The following STXBP5L variants were observed in gnomAD, a reference collection of about 807,000 sequenced individuals.
STXBP5L encodes syntaxin binding protein 5L.
A neutral mutation model predicts 144.5 loss-of-function variants in STXBP5L; 65 were observed. That is an observed-to-expected ratio of 0.45 (90% CI 0.37 to 0.55). The LOEUF is 0.55. Among genes scored for constraint, STXBP5L ranks in the 20% least tolerant of loss-of-function variants. The pLI, the probability that STXBP5L is intolerant of heterozygous loss-of-function variation, is 0.00. For synonymous variants in STXBP5L, 505 were observed against 469.6 expected (o/e 1.08, Z -0.97); for missense variants, 1,298 against 1,405.5 (o/e 0.92, Z 1.22).
At chr3:121,207,991 C>T (rs2048404397) in intron 10 of STXBP5L, among the ~76,000 whole-genome samples, 1 of 151,948 alleles carries the variant, frequency 6.6e-6, no homozygotes, top group Admixed American at 6.6e-5. Context: ...GGGTATATAC[C>T]CAAAGGATTA....
At chr3:121,363,667 A>C (rs941658597) in intron 20 of STXBP5L, among the ~76,000 whole-genome samples, 2 of 151,908 alleles carry the variant, frequency 1.3e-5, no homozygotes, top group African/African-American at 4.8e-5. Flanking sequence ...TGTTTTTTCT[A>C]TCTCCTTAGT....
intron 5 of STXBP5L, among the ~76,000 whole-genome samples, chr3:121,065,518 C>T (rs1387276626): frequency 1.3e-5 from 2 of 152,084 alleles, no homozygotes; most frequent in East Asian, 1.9e-4. Flanking sequence ...CATTTATTAT[C>T]TCATAGTTCA....
chr3:121,364,652 A>G (rs1422472192), intron 20 of STXBP5L, among the ~76,000 whole-genome samples: 2 of 152,000 alleles, frequency 1.3e-5, no homozygotes, highest in African/African-American at 4.8e-5. Flanking sequence ...ATATCATTAT[A>G]CAAGTGTTTC....
chr3:121,001,805 C>T (rs1401565144), intron 3 of STXBP5L, among the ~76,000 whole-genome samples: 2 of 152,206 alleles, frequency 1.3e-5, no homozygotes, highest in Non-Finnish European at 2.9e-5. Flanking sequence ...CTGAAGATTT[C>T]ATTGGGGTGT....
intron 3 of STXBP5L, among the ~76,000 whole-genome samples, chr3:121,010,525 A>G (rs1576653500): frequency 6.6e-6 from 1 of 151,476 alleles, no homozygotes; most frequent in Admixed American, 6.6e-5. Flanking sequence ...ACTATCACTG[A>G]GCTTCTCACT....
chr3:120,915,313 T>G (rs1352422295), intron 2 of STXBP5L, among the ~76,000 whole-genome samples: 1 of 152,142 alleles, frequency 6.6e-6, no homozygotes, highest in Non-Finnish European at 1.5e-5. Flanking sequence ...GATGTTCCTG[T>G]GAAAAATCTC....
chr3:121,368,860 T>G (rs753279071), intron 20 of STXBP5L, among the ~76,000 whole-genome samples: 1 of 152,060 alleles, frequency 6.6e-6, no homozygotes, highest in Non-Finnish European at 1.5e-5. Context: ...AAGAGAAAAA[T>G]GAAGGAGTTA....
chr3:121,096,692 A>T (rs1033644509), intron 5 of STXBP5L, among the ~76,000 whole-genome samples: 3 of 152,100 alleles, frequency 2.0e-5, no homozygotes, highest in Non-Finnish European at 2.9e-5. Flanking sequence ...GAAAGAAAAA[A>T]AAAAGCCTGT....
chr3:121,372,169 G>A (rs1010135884), intron 20 of STXBP5L, among the ~76,000 whole-genome samples: 4 of 152,222 alleles, frequency 2.6e-5, no homozygotes, highest in East Asian at 1.9e-4. Context: ...CTATGATAAG[G>A]ACCCCCAGGA....
chr3:121,068,999 C>G (rs1220991495), intron 5 of STXBP5L, among the ~76,000 whole-genome samples: 1 of 152,032 alleles, frequency 6.6e-6, no homozygotes, highest in Non-Finnish European at 1.5e-5. Context: ...CGTACATGCA[C>G]TCGTGTGTGT....
intron 10 of STXBP5L, among the ~76,000 whole-genome samples, chr3:121,209,588 C>T (rs1337294359): frequency 2.6e-5 from 4 of 152,116 alleles, no homozygotes; most frequent in Non-Finnish European, 4.4e-5. Flanking sequence ...CCCTCTCCCC[C>T]CACCCCATGA....
chr3:121,297,684 G>A (rs992310254), intron 19 of STXBP5L, among the ~76,000 whole-genome samples: 1 of 152,194 alleles, frequency 6.6e-6, no homozygotes, highest in African/African-American at 2.4e-5. Context: ...AACCCAGAAG[G>A]TGGAAGTTGC....
At chr3:121,152,811 A>C (rs192619175) in intron 8 of STXBP5L, among the ~76,000 whole-genome samples, 1 of 152,120 alleles carries the variant, frequency 6.6e-6, no homozygotes, top group Admixed American at 6.5e-5. Context: ...TTGTTAATAG[A>C]TCCTGCCTTG....
intron 19 of STXBP5L, among the ~76,000 whole-genome samples, chr3:121,307,755 A>C (rs535312573): frequency 6.6e-6 from 1 of 152,174 alleles, no homozygotes; most frequent in Non-Finnish European, 1.5e-5. Flanking sequence ...AAGGAGAAAA[A>C]TATTTGAAGA....
intron 9 of STXBP5L, among the ~76,000 whole-genome samples, chr3:121,173,988 T>A (rs1024401767): frequency 6.6e-6 from 1 of 152,130 alleles, no homozygotes; most frequent in Non-Finnish European, 1.5e-5. Context: ...CACCTTTTAC[T>A]GTGATATGCA....
At chr3:121,092,874 T>G (rs1177904908) in intron 5 of STXBP5L, among the ~76,000 whole-genome samples, 1 of 152,186 alleles carries the variant, frequency 6.6e-6, no homozygotes, top group Admixed American at 6.5e-5. Context: ...ATGCTTCCAG[T>G]ATTTGCCCAT....
intron 24 of STXBP5L, among the ~76,000 whole-genome samples, chr3:121,414,609 T>A (rs2047190811): frequency 6.6e-6 from 1 of 152,172 alleles, no homozygotes; most frequent in Non-Finnish European, 1.5e-5. Flanking sequence ...TGGTTGGGCA[T>A]GAAAAAGGTA....
chr3:121,047,019 T>C (rs969723358), intron 5 of STXBP5L, among the ~76,000 whole-genome samples: 1 of 152,138 alleles, frequency 6.6e-6, no homozygotes, highest in African/African-American at 2.4e-5. Flanking sequence ...TTAGCACTAC[T>C]TTAGCTGTGT....
intron 22 of STXBP5L, among the ~76,000 whole-genome samples, chr3:121,395,199 G>A (rs1276536081): frequency 2.6e-5 from 4 of 152,156 alleles, no homozygotes; most frequent in Admixed American, 1.3e-4. Flanking sequence ...CCTTACTTGG[G>A]CATGTAGTTT....
Sources: allele counts gnomAD v4.1 joint callset (sites outside exome capture counted in the v4.1 genomes callset), GRCh38; gene constraint gnomAD v4.1.1; transcripts MANE v1.5; gene names NCBI Gene and HGNC (gene_info 2026-07-23, HGNC 2026-07-21).